Variants in ERC2 observed in about 807,000 individuals in gnomAD.
The protein encoded by ERC2 is ERC protein 2.
Under a neutral mutation model 114.8 loss-of-function variants are expected in ERC2, and 42 were observed. The observed-to-expected ratio is 0.37, with a 90% CI of 0.29 to 0.47. The LOEUF (loss-of-function observed/expected upper bound fraction) is 0.47. Among genes scored for constraint, ERC2 ranks in the 20% least tolerant of loss-of-function variants. The pLI, the probability that ERC2 is intolerant of heterozygous loss-of-function variation, is 0.99. For missense variants in ERC2, 939 were observed against 1,150.7 expected (o/e 0.82, Z 2.66); for synonymous variants, 454 against 425.5 (o/e 1.07, Z -0.82).
intron 17 of ERC2, among the ~76,000 whole-genome samples, chr3:55,595,979 G>A (rs2058107142): frequency 6.6e-6 from 1 of 152,202 alleles, no homozygotes; most frequent in African/African-American, 2.4e-5. Flanking sequence ...ACTGGGGAGT[G>A]AGGATACTAG....
intron 13 of ERC2, among the ~76,000 whole-genome samples, chr3:55,905,042 GA>G (rs2064348392): frequency 6.6e-6 from 1 of 152,146 alleles, no homozygotes; most frequent in African/African-American, 2.4e-5. Context: ...AACAAAAAAG[GA>G]GACAAATCAC....
chr3:56,086,034 G>A (rs2077484393), intron 6 of ERC2, among the ~76,000 whole-genome samples: 1 of 152,200 alleles, frequency 6.6e-6, no homozygotes, highest in South Asian at 2.1e-4. Flanking sequence ...ATGAGAGAGA[G>A]AGTCAAGGGC....
At chr3:55,886,068 C>G (rs987814044) in intron 14 of ERC2, among the ~76,000 whole-genome samples, 1 of 152,162 alleles carries the variant, frequency 6.6e-6, no homozygotes, top group African/African-American at 2.4e-5. Flanking sequence ...GGAGAGTTAA[C>G]TTGAGAACAG....
At chr3:55,645,700 G>A (rs893444960) in intron 17 of ERC2, among the ~76,000 whole-genome samples, 2 of 152,178 alleles carry the variant, frequency 1.3e-5, no homozygotes, top group South Asian at 2.1e-4. Context: ...GGGGCCCACC[G>A]TTAAAACGGG....
At chr3:55,895,854 C>G (rs1380121991) in intron 13 of ERC2, among the ~76,000 whole-genome samples, 2 of 152,170 alleles carry the variant, frequency 1.3e-5, no homozygotes, top group African/African-American at 4.8e-5. Context: ...TCAACAAATA[C>G]CCTTCAAGTT....
chr3:55,537,990 C>T (rs577973629), intron 17 of ERC2, among the ~76,000 whole-genome samples: 131 of 152,078 alleles, frequency 8.6e-4, no homozygotes, highest in African/African-American at 3.1e-3. Context: ...GTGTGGGAGG[C>T]GGTGGGGAGG....
intron 17 of ERC2, among the ~76,000 whole-genome samples, chr3:55,633,990 C>T (rs1447036334): frequency 6.6e-6 from 1 of 152,158 alleles, no homozygotes; most frequent in Non-Finnish European, 1.5e-5. Flanking sequence ...GTTCCAAGAT[C>T]AGGGGACTTG....
intron 10 of ERC2, among the ~76,000 whole-genome samples, chr3:56,004,126 T>A (rs1338510927): frequency 1.3e-5 from 2 of 152,018 alleles, no homozygotes; most frequent in Non-Finnish European, 2.9e-5. Flanking sequence ...ATTGAAAAAT[T>A]ACTAAAGAGC....
intron 4 of ERC2, among the ~76,000 whole-genome samples, chr3:56,150,909 C>T (rs1392221544): frequency 6.6e-6 from 1 of 151,980 alleles, no homozygotes; most frequent in Admixed American, 6.6e-5. Flanking sequence ...GAGTAGGGCC[C>T]TCAGAATGGG....
At chr3:56,354,073 C>G (rs1391396146) in intron 2 of ERC2, among the ~76,000 whole-genome samples, 1 of 152,114 alleles carries the variant, frequency 6.6e-6, no homozygotes, top group Non-Finnish European at 1.5e-5. Flanking sequence ...CTAGCCCAGG[C>G]ACTTAGATAT....
rs1444096801 is a variant in ERC2 at position 56,031,909 on chromosome 3, G to C, written c.1642-12878C>G. 2.0e-5 allele frequency among the ~76,000 whole-genome samples: 3 copies of C among 152,174 alleles called. 1 individual carries two copies. The highest frequency in any genetic ancestry group is 4.1e-4 in the South Asian group (2 of 4,830). On this transcript the variant is annotated intron_variant, in intron 7 of 17. Coordinates refer to ENST00000288221, the MANE Select transcript of ERC2 (RefSeq NM_015576.3). ...CCCTCCAAATCTCATGTTGAAATTT[G>C]ATCCTCAATCTTGGAGGTGGAGCCT...
chr3:55,576,409 C>T (rs1341186588), intron 17 of ERC2, among the ~76,000 whole-genome samples: 2 of 152,130 alleles, frequency 1.3e-5, no homozygotes, highest in African/African-American at 4.8e-5. Flanking sequence ...CACTTGATGC[C>T]CAAAATAATC....
Position 55,510,397 on chromosome 3 carries a change from G to T in ERC2, c.*919C>A, listed in dbSNP as rs2051999073. 2 of 152,406 alleles carry T rather than the reference G, an allele frequency of 1.3e-5. No homozygotes were observed. Among genetic ancestry groups the T allele is most frequent in the African/African-American group, 4.8e-5 (2 of 41,436 alleles). 9.4% of individuals were successfully genotyped at this position (152,406 alleles called of 1,614,324 possible). ...ATGGAGACCTGCATGCACCGGGATG[G>T]TAAGAGTCTGAGGCTTGGTGGCGTC... On this transcript the variant is annotated 3_prime_UTR_variant, in exon 18 of 18. Transcript: ENST00000288221.
chr3:55,518,477 G>A (rs928059390), intron 17 of ERC2, among the ~76,000 whole-genome samples: 5 of 152,204 alleles, frequency 3.3e-5, no homozygotes, highest in Admixed American at 1.3e-4. Context: ...CTGAGATAGC[G>A]AGACACCTAA....
At chr3:56,111,109 G>A (rs2078934994) in intron 6 of ERC2, among the ~76,000 whole-genome samples, 1 of 152,072 alleles carries the variant, frequency 6.6e-6, no homozygotes, top group African/African-American at 2.4e-5. Flanking sequence ...AGAAAGTTAT[G>A]TGTGAAGGAA....
At chr3:56,343,908 C>T (rs2058200869) in intron 2 of ERC2, among the ~76,000 whole-genome samples, 2 of 152,098 alleles carry the variant, frequency 1.3e-5, no homozygotes, top group African/African-American at 4.8e-5. Context: ...CAATATAACG[C>T]TAGACTAAAG....
At chr3:56,362,058 A>G (rs920574300) in intron 2 of ERC2, among the ~76,000 whole-genome samples, 12 of 152,234 alleles carry the variant, frequency 7.9e-5, no homozygotes, top group African/African-American at 1.9e-4. Flanking sequence ...AGCTCAGCCA[A>G]TCCTCTGTCT....
At chr3:56,160,882 C>T (rs962498851) in intron 4 of ERC2, among the ~76,000 whole-genome samples, 1 of 152,114 alleles carries the variant, frequency 6.6e-6, no homozygotes, top group Non-Finnish European at 1.5e-5. Context: ...TTATTGTAGC[C>T]TTATAGCATA....
At chr3:56,078,977 G>A (rs994880345) in intron 7 of ERC2, among the ~76,000 whole-genome samples, 5 of 151,828 alleles carry the variant, frequency 3.3e-5, no homozygotes, top group Non-Finnish European at 5.9e-5. Context: ...GAATGTGGGT[G>A]GTCATGCAAT....
Sources: allele counts gnomAD v4.1 joint callset (sites outside exome capture counted in the v4.1 genomes callset), GRCh38; gene constraint gnomAD v4.1.1; transcripts MANE v1.5; gene names NCBI Gene and HGNC (gene_info 2026-07-23, HGNC 2026-07-21).